Variants in PPARGC1A observed in about 807,000 individuals in gnomAD.
PPARGC1A encodes PPARG coactivator 1 alpha.
In PPARGC1A, 25 loss-of-function variants were observed where a neutral mutation model predicts 88.7. The observed-to-expected ratio is 0.28, with a 90% CI of 0.21 to 0.39. PPARGC1A has a LOEUF of 0.39. Ranked by LOEUF, PPARGC1A falls within the 10% of genes least tolerant of loss-of-function variation. The probability of loss-of-function intolerance (pLI) is 1.00; values close to 1 mark genes in which losing one functional copy is unlikely to be tolerated. For missense variants in PPARGC1A, 880 were observed against 968.7 expected (o/e 0.91, Z 1.22); for synonymous variants, 363 against 355.6 (o/e 1.02, Z -0.24).
At chr4:24,273,191 G>A in the PPARGC1A span, among the ~76,000 whole-genome samples, 2 of 152,220 alleles carry the variant, frequency 1.3e-5, no homozygotes, top group African/African-American at 4.8e-5. Context: ...TAAAGTGGGA[G>A]AGCTTGGGGA....
chr4:24,114,631 G>A, the PPARGC1A span, among the ~76,000 whole-genome samples: 23 of 152,232 alleles, frequency 1.5e-4, no homozygotes, highest in African/African-American at 5.5e-4. Context: ...TTTACGCAGG[G>A]TTGAATATAT....
the PPARGC1A span, among the ~76,000 whole-genome samples, chr4:24,393,427 G>A: frequency 0.013 from 2,021 of 152,258 alleles, 47 homozygotes; most frequent in African/African-American, 0.047. Context: ...TATGAATATA[G>A]CCCTGTGATA....
At chr4:24,415,199 GGAAA>G in the PPARGC1A span, among the ~76,000 whole-genome samples, 8 of 150,636 alleles carry the variant, frequency 5.3e-5, no homozygotes, top group African/African-American at 1.2e-4. Flanking sequence ...AAAAAAAAAA[GGAAA>G]GAAAGAAAGA....
chr4:24,165,173 T>C, the PPARGC1A span, among the ~76,000 whole-genome samples: 2 of 152,130 alleles, frequency 1.3e-5, no homozygotes, highest in Non-Finnish European at 2.9e-5. Flanking sequence ...TATTAACAAT[T>C]AAATTCCAAA....
chr4:24,045,683 C>A, the PPARGC1A span, among the ~76,000 whole-genome samples: 1 of 152,254 alleles, frequency 6.6e-6, no homozygotes, highest in African/African-American at 2.4e-5. Context: ...TGGATTAGGA[C>A]CTGCACTAAT....
At chr4:23,849,989 AAAT>A (rs1388978101) in intron 2 of PPARGC1A, among the ~76,000 whole-genome samples, 1 of 152,162 alleles carries the variant, frequency 6.6e-6, no homozygotes, top group Admixed American at 6.5e-5. Flanking sequence ...ACAAAAATGA[AAAT>A]AAGAAGAGAA....
the PPARGC1A span, among the ~76,000 whole-genome samples, chr4:24,328,106 G>A: frequency 1.3e-5 from 2 of 150,818 alleles, no homozygotes; most frequent in African/African-American, 4.9e-5. Context: ...ATCTCCCTTC[G>A]CTGACTCTCT....
chr4:24,415,850 G>A, the PPARGC1A span, among the ~76,000 whole-genome samples: 1 of 152,120 alleles, frequency 6.6e-6, no homozygotes, highest in Non-Finnish European at 1.5e-5. Flanking sequence ...AATCTGGTAT[G>A]GGGATAACAC....
At chr4:24,165,275 C>A in the PPARGC1A span, among the ~76,000 whole-genome samples, 1 of 152,082 alleles carries the variant, frequency 6.6e-6, no homozygotes, top group African/African-American at 2.4e-5. Flanking sequence ...TTTGATCAAA[C>A]TGAAATTAAA....
the PPARGC1A span, among the ~76,000 whole-genome samples, chr4:24,404,893 C>T: frequency 6.6e-6 from 1 of 152,134 alleles, no homozygotes; most frequent in African/African-American, 2.4e-5. Flanking sequence ...AGTAATATCA[C>T]GGTACTACAC....
chr4:23,918,769 A>T, the PPARGC1A span, among the ~76,000 whole-genome samples: 1 of 152,206 alleles, frequency 6.6e-6, no homozygotes, highest in Non-Finnish European at 1.5e-5. Flanking sequence ...TTTAAAAAAT[A>T]ATAAAAAGTA....
chr4:23,901,795 T>C (rs927270839), upstream of PPARGC1A, among the ~76,000 whole-genome samples: 11 of 152,224 alleles, frequency 7.2e-5, no homozygotes, highest in Non-Finnish European at 1.3e-4. Context: ...TTCACACTTC[T>C]CGCAAATTTG....
chr4:24,093,335 T>C, the PPARGC1A span, among the ~76,000 whole-genome samples: 1 of 152,218 alleles, frequency 6.6e-6, no homozygotes, highest in Non-Finnish European at 1.5e-5. Flanking sequence ...TTTGTTCTTA[T>C]CTGAAGATTA....
the PPARGC1A span, among the ~76,000 whole-genome samples, chr4:24,007,764 G>C: frequency 6.6e-6 from 1 of 152,160 alleles, no homozygotes; most frequent in Non-Finnish European, 1.5e-5. Context: ...GCAAAGGGGA[G>C]GTTGGGAAAG....
chr4:24,084,397 A>G, the PPARGC1A span, among the ~76,000 whole-genome samples: 1 of 152,346 alleles, frequency 6.6e-6, no homozygotes, highest in South Asian at 2.1e-4. Flanking sequence ...TTTCATAATG[A>G]TCATCAAGAA....
intron 7 of PPARGC1A, among the ~76,000 whole-genome samples, chr4:23,822,966 C>A (rs59389973): frequency 2.6e-4 from 40 of 152,134 alleles, no homozygotes; most frequent in Middle Eastern, 3.4e-3. Context: ...TGGAACATAT[C>A]CAGTAAATAA....
At chr4:24,175,495 C>T in the PPARGC1A span, among the ~76,000 whole-genome samples, 1 of 149,328 alleles carries the variant, frequency 6.7e-6, no homozygotes. Flanking sequence ...CTGCCTCAGC[C>T]TCCCAAGTAG....
At chr4:23,799,007 A>G (rs1416220894) in intron 12 of PPARGC1A, among the ~76,000 whole-genome samples, 1 of 152,216 alleles carries the variant, frequency 6.6e-6, no homozygotes. Context: ...AAGTAAACAG[A>G]AAGAAAATTG....
the PPARGC1A span, among the ~76,000 whole-genome samples, chr4:24,196,701 TG>T: frequency 6.6e-6 from 1 of 152,224 alleles, no homozygotes; most frequent in Non-Finnish European, 1.5e-5. Flanking sequence ...GCACAATTCC[TG>T]ACAGTCTTCA....
Sources: gnomAD v4.1 joint callset for allele counts (sites outside exome capture counted in the v4.1 genomes callset) on GRCh38, gnomAD v4.1.1 for gene constraint, MANE v1.5 for transcripts, NCBI Gene and HGNC (gene_info 2026-07-23, HGNC 2026-07-21) for gene names.